BORCS5: variants seen among roughly 807,000 people sequenced by gnomAD.
The protein encoded by BORCS5 is BLOC-1-related complex subunit 5.
In BORCS5, 17 loss-of-function variants were observed where a neutral mutation model predicts 22.1. The observed-to-expected ratio is 0.77, with a 90% CI of 0.53 to 1.15. The LOEUF (loss-of-function observed/expected upper bound fraction) is 1.15. BORCS5 is among the 50% of genes most tolerant of loss of function. The pLI is 0.00. For missense variants in BORCS5, 247 were observed against 253.2 expected, an observed-to-expected ratio of 0.98 and a Z score of 0.17; for synonymous variants, 117 against 99.8, an observed-to-expected ratio of 1.17 and a Z score of -1.03.
In BORCS5 at chr12:12,465,621, A is replaced by G; in HGVS notation, c.436A>G (p.Ile146Val). ...AAGATACGCCAAGTATGCCGAGCAG[A>G]TCCAGAAAGTGAACGAGATGTCCGC... Reference protein sequence around the residue: ...QKRYAKYAEQIQKVNEMSAIL... With the variant: ...QKRYAKYAEQVQKVNEMSAIL... Residue 146 changes from isoleucine to valine, a missense_variant, in exon 4 of 4, where the codon ATC becomes GTC. By Grantham distance (29) the Ile-to-Val change is conservative (BLOSUM62 3). Transcript: ENST00000314565. 6.2e-7 allele frequency: 1 copy of G among 1,614,268 alleles called. No individual in the cohort carries two copies.
At chr12:12,416,542 C>G (rs749721023) in intron 2 of BORCS5, among the ~76,000 whole-genome samples, 14 of 152,018 alleles carry the variant, frequency 9.2e-5, no homozygotes, top group Non-Finnish European at 1.9e-4. Flanking sequence ...CTCCTGGACT[C>G]AAGTGATTCT....
At chr12:12,445,529 CTTTTTTTTTTTT>C (rs56356376) in intron 3 of BORCS5, among the ~76,000 whole-genome samples, 3 of 39,010 alleles carry the variant, frequency 7.7e-5, no homozygotes, top group Non-Finnish European at 1.3e-4. Flanking sequence ...TTTGAAATAC[CTTTTTTTTTTTT>C]TTTTTTTTTT....
intron 2 of BORCS5, among the ~76,000 whole-genome samples, chr12:12,414,629 G>A: frequency 9.5e-6 from 1 of 105,738 alleles, no homozygotes; most frequent in Non-Finnish European, 2.0e-5. Flanking sequence ...TCCCAGTAGG[G>A]GCGGCCGGGC....
At chr12:12,407,056 C>T (rs1941611324) in intron 2 of BORCS5, among the ~76,000 whole-genome samples, 1 of 152,184 alleles carries the variant, frequency 6.6e-6, no homozygotes, top group South Asian at 2.1e-4. Flanking sequence ...GGGCTTTCTG[C>T]CTTCACTCAG....
At chr12:12,402,939 A>G (rs776097787) in intron 2 of BORCS5, among the ~76,000 whole-genome samples, 11 of 152,248 alleles carry the variant, frequency 7.2e-5, no homozygotes, top group Admixed American at 2.6e-4. Context: ...ATAGTTTTAT[A>G]CTTGGTGCCC....
At chr12:12,400,822 T>A (rs1361600587) in intron 2 of BORCS5, among the ~76,000 whole-genome samples, 1 of 152,230 alleles carries the variant, frequency 6.6e-6, no homozygotes, top group Non-Finnish European at 1.5e-5. Context: ...GTTTTCTTCG[T>A]GGCTTGTCTT....
At chr12:12,451,531 AAAAT>A (rs546011184) in intron 3 of BORCS5, among the ~76,000 whole-genome samples, 72 of 151,874 alleles carry the variant, frequency 4.7e-4, no homozygotes, top group East Asian at 3.1e-3. Flanking sequence ...GCAGTTTAGA[AAAAT>A]AAATAAATCA....
chr12:12,427,719 A>T lies in BORCS5; in HGVS notation c.203-7909A>T, dbSNP rs1942325021. Among the ~76,000 whole-genome samples the T allele has an allele frequency of 3.3e-5, 5 of 152,198 alleles. No individual in the cohort carries two copies. The South Asian group carries it at 1.0e-3, about 31-fold the overall frequency. On this transcript the variant is annotated intron_variant, in intron 2 of 3. Transcript: ENST00000314565. ...GATAGTTCTGGTGGCTGGGAAATCC[A>T]AGGTCAAGGTGCCGGCAGATTTGCC... is the stretch of plus-strand genomic sequence containing the variant.
At position 12,370,099 on chromosome 12, in the gene BORCS5, TACAC is replaced by T. The variant is rs56408181; in HGVS notation, c.202+8783_202+8786del. Among the ~76,000 whole-genome samples, 1,076 of 145,394 alleles carry T rather than the reference TACAC, an allele frequency of 7.4e-3. 10 individuals carry two copies. Among genetic ancestry groups the T allele is most frequent in the South Asian group, 0.043 (193 of 4,492 alleles). On this transcript the variant is annotated intron_variant, in intron 2 of 3. Coordinates refer to ENST00000314565, the MANE Select transcript of BORCS5 (RefSeq NM_058169.6). ...CGTTAGAAATCCCATAGTGGTTTTA[TACAC>T]ACACACACACACACACACACACACA... is the stretch of plus-strand genomic sequence containing the variant.
At chr12:12,449,321 G>A (rs188258151) in intron 3 of BORCS5, among the ~76,000 whole-genome samples, 31 of 152,316 alleles carry the variant, frequency 2.0e-4, no homozygotes, top group Admixed American at 5.2e-4. Context: ...CATGGGACCC[G>A]AGGAAAGCTC....
chr12:12,363,954 A>T (rs778508399), intron 2 of BORCS5, among the ~76,000 whole-genome samples: 17 of 152,170 alleles, frequency 1.1e-4, no homozygotes, highest in Middle Eastern at 3.2e-3. Context: ...AACTACTAAT[A>T]GCCTTCTGTT....
rs1221220723 is a variant in BORCS5, at chr12:12,468,639, G to A, written c.*2863G>A. The A allele has an allele frequency of 6.6e-6, 1 of 152,236 alleles. No homozygotes were observed. Among genetic ancestry groups the A allele is most frequent in the Non-Finnish European group, 1.5e-5 (1 of 68,042 alleles). 9.4% of individuals were successfully genotyped at this position (152,236 alleles called of 1,614,324 possible). A position where few individuals can be genotyped will look rare whatever the true frequency, so the allele number is the denominator to read the frequency against. On this transcript the variant is annotated 3_prime_UTR_variant, in exon 4 of 4. Transcript: ENST00000314565. ...TGAGCAGTGGCCCTGGGTCTTGGTAGTGACTAAATTCCGAGCTCCCAAGGT... is the reference window on the plus strand; with the variant it reads ...TGAGCAGTGGCCCTGGGTCTTGGTAATGACTAAATTCCGAGCTCCCAAGGT...
intron 2 of BORCS5, among the ~76,000 whole-genome samples, chr12:12,420,112 TC>T (rs1942075937): frequency 6.7e-6 from 1 of 150,202 alleles, no homozygotes; most frequent in Admixed American, 6.6e-5. Context: ...AGACATGAAG[TC>T]CTTGCCCATG....
At chr12:12,451,544 C>T (rs1033708939) in intron 3 of BORCS5, among the ~76,000 whole-genome samples, 12 of 151,836 alleles carry the variant, frequency 7.9e-5, no homozygotes, top group African/African-American at 2.9e-4. Context: ...ATAAATAAAT[C>T]ACATAGGAAC....
rs1310478442 is a variant in BORCS5, at chr12:12,438,366, A to AAAAAAAAAAAAC, written c.360+2592_360+2593insCAAAAAAAAAAA. 9.3e-5 allele frequency among the ~76,000 whole-genome samples: 11 copies of AAAAAAAAAAAAC among 118,082 alleles called. No homozygotes were observed. In the East Asian group the frequency reaches 1.8e-3, roughly 19 times the overall value. The allele number at this position is 118,082 out of a possible 152,430, so 77.5% of individuals were successfully genotyped here. On this transcript the variant is annotated intron_variant, in intron 3 of 3. Transcript: ENST00000314565. ...ACAGAGCCAGATTTCATCTCAAAAAAAAAAAAAAAAAAAACGAAAAACAAC... is the reference window on the plus strand; with the variant it reads ...ACAGAGCCAGATTTCATCTCAAAAAAAAAAAAAAAAACAAAAAAAAAAAAAACGAAAAACAAC...
At chr12:12,409,343 G>T (rs1941665049) in intron 2 of BORCS5, among the ~76,000 whole-genome samples, 1 of 151,638 alleles carries the variant, frequency 6.6e-6, no homozygotes, top group Non-Finnish European at 1.5e-5. Flanking sequence ...TTAGCATTAG[G>T]TATATCTCCA....
Position 12,470,700 on chromosome 12 carries a change from C to T in BORCS5, c.*4924C>T, listed in dbSNP as rs1177268443. ...GGTTTTTTTTTTTTGACACACCAGG[C>T]ATGTCTCTTCCATTCAAATGCTATG... On this transcript the variant is annotated 3_prime_UTR_variant, in exon 4 of 4. Coordinates refer to ENST00000314565, the MANE Select transcript of BORCS5 (RefSeq NM_058169.6). Among the ~76,000 whole-genome samples, 1 of 147,900 alleles carries T rather than the reference C, an allele frequency of 6.8e-6. No homozygotes were observed. The highest frequency in any genetic ancestry group is 2.5e-5 in the African/African-American group (1 of 40,014).
intron 2 of BORCS5, among the ~76,000 whole-genome samples, chr12:12,410,229 A>G (rs1420593151): frequency 6.6e-6 from 1 of 152,164 alleles, no homozygotes. Flanking sequence ...TCTTGAGTTT[A>G]ATTAGATCCC....
At chr12:12,449,455 T>C (rs1271252502) in intron 3 of BORCS5, among the ~76,000 whole-genome samples, 1 of 152,218 alleles carries the variant, frequency 6.6e-6, no homozygotes, top group East Asian at 1.9e-4. Context: ...GGAGGAGGTA[T>C]AATCTGCCTG....
Sources: gnomAD v4.1 joint callset for allele counts (sites outside exome capture counted in the v4.1 genomes callset) on GRCh38, gnomAD v4.1.1 for gene constraint, MANE v1.5 for transcripts, NCBI Gene and HGNC (gene_info 2026-07-23, HGNC 2026-07-21) for gene names.